Variants in SHANK2 observed in about 807,000 individuals in gnomAD.
SHANK2 encodes the protein SH3 and multiple ankyrin repeat domains protein 2.
In SHANK2, 43 loss-of-function variants were observed where a neutral mutation model predicts 133.7. The observed-to-expected ratio is 0.32, with a 90% CI of 0.25 to 0.41. The LOEUF (loss-of-function observed/expected upper bound fraction) is 0.41. SHANK2 is among the 10% of genes least tolerant of loss of function. SHANK2 has a pLI of 1.00. For missense variants in SHANK2, 1,994 were observed against 2,235.8 expected (o/e 0.89, Z 2.18); for synonymous variants, 1,017 against 952.8 (o/e 1.07, Z -1.24).
intron 17 of SHANK2, among the ~76,000 whole-genome samples, chr11:70,568,708 G>T (rs1471290180): frequency 7.2e-6 from 1 of 139,058 alleles, no homozygotes; most frequent in East Asian, 2.3e-4. Flanking sequence ...ACGAGTAGCA[G>T]GCAGGGGCGC....
intron 14 of SHANK2, among the ~76,000 whole-genome samples, chr11:70,713,692 C>T (rs1344278347): frequency 6.6e-6 from 1 of 152,118 alleles, no homozygotes; most frequent in Non-Finnish European, 1.5e-5. Context: ...GTCACAGCAC[C>T]GGGTGTCCGT....
chr11:71,140,825 G>A (rs528081276), intron 3 of SHANK2, among the ~76,000 whole-genome samples: 18 of 152,352 alleles, frequency 1.2e-4, no homozygotes, highest in East Asian at 1.9e-4. Flanking sequence ...GACTGGGGCC[G>A]GGGCTGCTTC....
intron 17 of SHANK2, among the ~76,000 whole-genome samples, chr11:70,517,684 C>A (rs931766792): frequency 1.3e-5 from 2 of 152,294 alleles, no homozygotes; most frequent in African/African-American, 4.8e-5. Context: ...GTAAAAAGAT[C>A]AGTGGTTGCC....
chr11:70,492,459 G>T lies in SHANK2; in HGVS notation c.2315C>A (p.Pro772His). 1 of 1,613,980 alleles carries T rather than the reference G, an allele frequency of 6.2e-7. No homozygotes were observed. Among genetic ancestry groups the T allele is most frequent in the Non-Finnish European group, 8.5e-7 (1 of 1,180,040 alleles). The change falls in exon 22 of 26, where the codon CCC (proline) becomes CAC (histidine). Residue 772 changes from proline to histidine, a missense_variant. This residue lies in a region of SHANK2 where 488 missense variants were observed against 642.6 expected (regional missense o/e 0.76). Coordinates refer to ENST00000601538, the MANE Select transcript of SHANK2 (RefSeq NM_012309.5). ...CTTGGAGGCCGGGACTATCTCCTCGGGTTTATCTGCAATAGAACCGTGAGG... is the reference window on the plus strand; with the variant it reads ...CTTGGAGGCCGGGACTATCTCCTCGTGTTTATCTGCAATAGAACCGTGAGG... ...KASVRKKKDK[P>H]EEIVPASKPS...
chr11:70,528,025 GCAGGC>G (rs1473888193), intron 17 of SHANK2, among the ~76,000 whole-genome samples: 4 of 152,224 alleles, frequency 2.6e-5, no homozygotes, highest in African/African-American at 9.6e-5. Context: ...CAGCAAATGG[GCAGGC>G]CACACTCTCA....
At chr11:70,544,130 C>T (rs1177123737) in intron 17 of SHANK2, among the ~76,000 whole-genome samples, 3 of 152,160 alleles carry the variant, frequency 2.0e-5, no homozygotes, top group Non-Finnish European at 1.5e-5. Context: ...ATTTGGAAAA[C>T]CCAACCCTGA....
chr11:71,235,404 G>T (rs1210608903), intron 1 of SHANK2, among the ~76,000 whole-genome samples: 1 of 152,152 alleles, frequency 6.6e-6, no homozygotes, highest in Admixed American at 6.5e-5. Context: ...GACCAGCCTG[G>T]CCAACATGGT....
chr11:70,727,179 G>A (rs1169548757), intron 14 of SHANK2, among the ~76,000 whole-genome samples: 1 of 152,278 alleles, frequency 6.6e-6, no homozygotes, highest in Non-Finnish European at 1.5e-5. Context: ...ACAAAATGGA[G>A]ATGACAAATC....
chr11:70,840,253 G>C (rs912807364), intron 11 of SHANK2, among the ~76,000 whole-genome samples: 1 of 152,186 alleles, frequency 6.6e-6, no homozygotes, highest in African/African-American at 2.4e-5. Flanking sequence ...AGTTGGGTGG[G>C]TGCCTCGGAG....
At position 70,522,667 on chromosome 11, in the gene SHANK2, C is replaced by A. The variant is rs576038031; in HGVS notation, c.2062-19736G>T. On this transcript the variant is annotated intron_variant, in intron 17 of 25. Coordinates refer to ENST00000601538, the MANE Select transcript of SHANK2 (RefSeq NM_012309.5). The stretch of plus-strand genomic sequence containing the variant: ...GCTCCAGCTCCGCGGGCTGGCCGGC[C>A]ACCTGCTCACACTGTCTAAGCTTTT... 2.6e-5 allele frequency among the ~76,000 whole-genome samples: 4 copies of A among 152,194 alleles called. No homozygotes were observed. The South Asian group carries it at 8.3e-4, about 32-fold the overall frequency.
At chr11:71,174,779 G>C (rs1447140689) in intron 2 of SHANK2, 3 of 152,328 alleles carry the variant, frequency 2.0e-5, no homozygotes, top group African/African-American at 7.2e-5. Flanking sequence ...CTTGAGTCTA[G>C]GAAGTCAAGG....
chr11:70,812,460 G>A (rs782736060), intron 12 of SHANK2, among the ~76,000 whole-genome samples: 17 of 152,236 alleles, frequency 1.1e-4, no homozygotes, highest in Admixed American at 2.6e-4. Flanking sequence ...AGAAAATGGA[G>A]GCTCCATAAA....
chr11:70,890,816 T>G, intron 11 of SHANK2, among the ~76,000 whole-genome samples: 1 of 139,362 alleles, frequency 7.2e-6, no homozygotes, highest in African/African-American at 2.9e-5. Context: ...AAAAAAAAAT[T>G]AGCTGGGCAT....
At chr11:71,081,331 C>T (rs1449079327) in intron 8 of SHANK2, among the ~76,000 whole-genome samples, 1 of 152,230 alleles carries the variant, frequency 6.6e-6, no homozygotes, top group Non-Finnish European at 1.5e-5. Context: ...AACACAATCA[C>T]TTTGGGTCTA....
intron 14 of SHANK2, among the ~76,000 whole-genome samples, chr11:70,706,611 C>T (rs1284228271): frequency 6.6e-6 from 1 of 152,096 alleles, no homozygotes; most frequent in African/African-American, 2.4e-5. Flanking sequence ...CCGACACATC[C>T]CTCTGGGTGT....
At chr11:71,103,922 CCTCTCTCT>C (rs143494541) in intron 6 of SHANK2, among the ~76,000 whole-genome samples, 3 of 137,892 alleles carry the variant, frequency 2.2e-5, no homozygotes, top group African/African-American at 8.0e-5. Context: ...TGCACCTGCT[CCTCTCTCT>C]CTCTCTCTCT....
intron 17 of SHANK2, among the ~76,000 whole-genome samples, chr11:70,645,505 C>A (rs1439263773): frequency 2.0e-5 from 3 of 152,140 alleles, no homozygotes; most frequent in Non-Finnish European, 4.4e-5. Context: ...AATTAACTGA[C>A]AACAAAAAAT....
chr11:70,716,356 G>A (rs904199133), intron 14 of SHANK2, among the ~76,000 whole-genome samples: 2 of 152,154 alleles, frequency 1.3e-5, no homozygotes, highest in Non-Finnish European at 2.9e-5. Flanking sequence ...GGGTGGGGGC[G>A]GGAGGATTCT....
At chr11:71,156,777 G>A (rs79535193) in intron 2 of SHANK2, among the ~76,000 whole-genome samples, 2,772 of 152,252 alleles carry the variant, frequency 0.018, 79 homozygotes, top group African/African-American at 0.064. Flanking sequence ...AGGGGTAAAC[G>A]CAGCATTTCC....
Sources: allele counts gnomAD v4.1 joint callset (sites outside exome capture counted in the v4.1 genomes callset), GRCh38; gene constraint gnomAD v4.1.1; regional missense constraint gnomAD v4.1.1; transcripts MANE v1.5; gene names NCBI Gene and HGNC (gene_info 2026-07-23, HGNC 2026-07-21).